The following XNDC1N variants were observed in gnomAD, a reference collection of about 807,000 sequenced individuals.
XNDC1N encodes XRCC1 N-terminal domain containing 1, N-terminal like, also known as protein XNDC1N.
At chr11:71,903,362 C>T in the XNDC1N span, 8 of 1,461,196 alleles carry the variant, frequency 5.5e-6, no homozygotes, top group Non-Finnish European at 7.7e-6. Context: ...CCTCCACACC[C>T]CATGTACTTC....
At chr11:71,920,515 G>A in the XNDC1N span, among the ~76,000 whole-genome samples, 1 of 150,490 alleles carries the variant, frequency 6.6e-6, no homozygotes, top group African/African-American at 2.4e-5. Context: ...ATGTTGGTCA[G>A]GCTGGTCTTG....
chr11:71,900,134 C>A, the XNDC1N span, among the ~76,000 whole-genome samples: 1 of 152,190 alleles, frequency 6.6e-6, no homozygotes, highest in Admixed American at 6.5e-5. Context: ...CGTTGCTGAC[C>A]TTCTCCTTAT....
chr11:71,908,300 G>A, the XNDC1N span, among the ~76,000 whole-genome samples: 3 of 149,792 alleles, frequency 2.0e-5, no homozygotes, highest in Admixed American at 6.6e-5. Flanking sequence ...ATCAATATCA[G>A]TTATTAATAT....
At chr11:71,903,663 T>C in the XNDC1N span, 8,611 of 397,310 alleles carry the variant, frequency 0.022, 521 homozygotes, top group African/African-American at 0.15. Flanking sequence ...TTTTTTTTTT[T>C]CCCTCAGTCT....
chr11:71,898,011 T>C, the XNDC1N span, among the ~76,000 whole-genome samples: 2 of 152,040 alleles, frequency 1.3e-5, no homozygotes, highest in Non-Finnish European at 2.9e-5. Flanking sequence ...GGTGAAACCC[T>C]GTCTCTACTG....
the XNDC1N span, among the ~76,000 whole-genome samples, chr11:71,912,575 G>T: frequency 1.6e-3 from 242 of 152,174 alleles, 6 homozygotes; most frequent in Admixed American, 0.015. Flanking sequence ...CTATTTTCCT[G>T]GATATTGGGC....
At chr11:71,884,060 T>A in the XNDC1N span, among the ~76,000 whole-genome samples, 19 of 152,200 alleles carry the variant, frequency 1.2e-4, no homozygotes, top group African/African-American at 3.9e-4. Flanking sequence ...CCCCAATGAC[T>A]TTTTTAAGAA....
At chr11:71,891,934 T>C in the XNDC1N span, among the ~76,000 whole-genome samples, 3 of 151,716 alleles carry the variant, frequency 2.0e-5, no homozygotes, top group Non-Finnish European at 4.4e-5. Context: ...GTAACATCAT[T>C]CTCTCCACCT....
At chr11:71,873,400 T>C in the XNDC1N span, among the ~76,000 whole-genome samples, 1 of 152,242 alleles carries the variant, frequency 6.6e-6, no homozygotes, top group African/African-American at 2.4e-5. Context: ...TGTTTGAATA[T>C]CTCTATGTAT....
chr11:71,908,219 AAT>A, the XNDC1N span, among the ~76,000 whole-genome samples: 1 of 151,934 alleles, frequency 6.6e-6, no homozygotes, highest in Non-Finnish European at 1.5e-5. Flanking sequence ...AATAATTGCT[AAT>A]AAAAAGTTTT....
chr11:71,910,325 G>A, the XNDC1N span, among the ~76,000 whole-genome samples: 2 of 151,952 alleles, frequency 1.3e-5, no homozygotes, highest in African/African-American at 2.4e-5. Context: ...GCTTGGACCT[G>A]AAAGACGTTT....
At chr11:71,919,599 A>G in the XNDC1N span, among the ~76,000 whole-genome samples, 1 of 132,118 alleles carries the variant, frequency 7.6e-6, no homozygotes, top group Non-Finnish European at 1.6e-5. Flanking sequence ...CATTTTGGCC[A>G]GGTTGGTTTT....
the XNDC1N span, among the ~76,000 whole-genome samples, chr11:71,868,030 C>T: frequency 6.6e-6 from 1 of 152,166 alleles, no homozygotes; most frequent in South Asian, 2.1e-4. Context: ...AACCCTTTAC[C>T]ATTATGTAAT....
At chr11:71,906,471 G>A in the XNDC1N span, among the ~76,000 whole-genome samples, 3 of 152,132 alleles carry the variant, frequency 2.0e-5, no homozygotes, top group South Asian at 2.1e-4. Context: ...ATCCCCCGAG[G>A]ATATAAGGAA....
chr11:71,890,944 TC>T, the XNDC1N span, among the ~76,000 whole-genome samples: 64 of 151,938 alleles, frequency 4.2e-4, no homozygotes, highest in African/African-American at 1.4e-3. Flanking sequence ...TATCATCCTC[TC>T]CCCCCTTGCA....
chr11:71,919,932 T>TC, the XNDC1N span, among the ~76,000 whole-genome samples: 1 of 56,144 alleles, frequency 1.8e-5, no homozygotes, highest in Non-Finnish European at 3.3e-5. Context: ...CAGGCCTCTT[T>TC]TTTTTTTTTT....
At chr11:71,906,914 A>G in the XNDC1N span, among the ~76,000 whole-genome samples, 7 of 152,148 alleles carry the variant, frequency 4.6e-5, no homozygotes, top group Admixed American at 2.0e-4. Flanking sequence ...TATAAGGGTA[A>G]TAAGAGTAAT....
chr11:71,921,382 A>G, the XNDC1N span, among the ~76,000 whole-genome samples: 1 of 151,910 alleles, frequency 6.6e-6, no homozygotes, highest in East Asian at 1.9e-4. Context: ...GGGCTCAAGC[A>G]ATCTGCCCGC....
the XNDC1N span, chr11:71,925,899 A>G: frequency 1.3e-5 from 2 of 151,834 alleles, no homozygotes; most frequent in Non-Finnish European, 1.5e-5. Context: ...AAAAATAAAT[A>G]AAAAGACATA....
Sources: gnomAD v4.1 joint callset for allele counts (sites outside exome capture counted in the v4.1 genomes callset) on GRCh38, gnomAD v4.1.1 for gene constraint, MANE v1.5 for transcripts, NCBI Gene and HGNC (gene_info 2026-07-23, HGNC 2026-07-21) for gene names.